The following AKAIN1 variants were observed in gnomAD, a reference collection of about 807,000 sequenced individuals.
The protein encoded by AKAIN1 is A-kinase anchor inhibitor 1.
Under a neutral mutation model 3.7 loss-of-function variants are expected in AKAIN1, and 3 were observed. That is an observed-to-expected ratio of 0.82 (90% CI 0.37 to 2.12). The LOEUF (loss-of-function observed/expected upper bound fraction) is 2.12. AKAIN1 is among the 30% of genes most tolerant of loss of function. AKAIN1 has a pLI of 0.06. For synonymous variants in AKAIN1, 31 were observed against 30.8 expected (o/e 1.01, Z -0.02); for missense variants, 82 against 82.7 (o/e 0.99, Z 0.03).
In AKAIN1 at chr18:5,144,494, G is replaced by A. The variant is rs929849514; in HGVS notation, c.*1068C>T. On this transcript the variant is annotated 3_prime_UTR_variant, in exon 2 of 2. Coordinates refer to ENST00000434239, the MANE Select transcript of AKAIN1 (RefSeq NM_001145194.2). ...TGCTGCACAGATAACTTTATTACAC[G>A]TGTACACACACATATCTCTGTCACT... 1.4e-4 allele frequency among the ~76,000 whole-genome samples: 21 copies of A among 152,100 alleles called. No individual in the cohort carries two copies. Among genetic ancestry groups the A allele is most frequent in the African/African-American group, 4.3e-4 (18 of 41,432 alleles).
chr18:5,181,027 C>G (rs1309237135), intron 1 of AKAIN1, among the ~76,000 whole-genome samples: 1 of 151,784 alleles, frequency 6.6e-6, no homozygotes, highest in Non-Finnish European at 1.5e-5. Flanking sequence ...GTGGCTCATG[C>G]CTATAATAGC....
At chr18:5,176,974 C>A (rs1487502546) in intron 1 of AKAIN1, among the ~76,000 whole-genome samples, 1 of 152,042 alleles carries the variant, frequency 6.6e-6, no homozygotes, top group African/African-American at 2.4e-5. Context: ...CCCACTGTGG[C>A]TTCAGGATAT....
chr18:5,144,437 C>T lies in AKAIN1; in HGVS notation c.*1125G>A, dbSNP rs1036432091. Among the ~76,000 whole-genome samples the T allele has an allele frequency of 6.6e-6, 1 of 152,186 alleles. No individual in the cohort carries two copies. Among genetic ancestry groups the T allele is most frequent in the Non-Finnish European group, 1.5e-5 (1 of 68,038 alleles). ...GATACTCCAGAAATATGTGCATTAT[C>T]CTCACAGAAGTGGAGCAGGGATTGA... is the stretch of plus-strand genomic sequence containing the variant. On this transcript the variant is annotated 3_prime_UTR_variant, in exon 2 of 2. Coordinates refer to ENST00000434239, the MANE Select transcript of AKAIN1 (RefSeq NM_001145194.2).
intron 1 of AKAIN1, among the ~76,000 whole-genome samples, chr18:5,156,734 G>A (rs1314926453): frequency 6.6e-6 from 1 of 152,138 alleles, no homozygotes; most frequent in African/African-American, 2.4e-5. Context: ...AACTTTGAGG[G>A]GCAAATAAGG....
At chr18:5,154,033 A>C (rs951656693) in intron 1 of AKAIN1, among the ~76,000 whole-genome samples, 22 of 152,206 alleles carry the variant, frequency 1.4e-4, no homozygotes, top group Admixed American at 1.4e-3. Flanking sequence ...GGAGATCGAG[A>C]CCAGCCTAAG....
chr18:5,162,514 T>G (rs2071145123), intron 1 of AKAIN1, among the ~76,000 whole-genome samples: 1 of 151,998 alleles, frequency 6.6e-6, no homozygotes, highest in Admixed American at 6.6e-5. Flanking sequence ...AGGTCTTAAC[T>G]CCCTAGCCTA....
At chr18:5,167,178 A>T (rs768334298) in intron 1 of AKAIN1, among the ~76,000 whole-genome samples, 3 of 152,132 alleles carry the variant, frequency 2.0e-5, no homozygotes, top group Non-Finnish European at 4.4e-5. Flanking sequence ...TAAATATGGC[A>T]GTTCAAGTGA....
At chr18:5,193,584 C>T (rs926088337) in intron 1 of AKAIN1, among the ~76,000 whole-genome samples, 1 of 152,142 alleles carries the variant, frequency 6.6e-6, no homozygotes, top group African/African-American at 2.4e-5. Context: ...ACTGAAAAGG[C>T]ATTTGAATTT....
chr18:5,152,819 A>G (rs2071086909), intron 1 of AKAIN1, among the ~76,000 whole-genome samples: 2 of 152,276 alleles, frequency 1.3e-5, no homozygotes, highest in South Asian at 4.1e-4. Context: ...AGGCAGCCTG[A>G]GTGGCTAGTG....
At chr18:5,163,768 A>G (rs963332497) in intron 1 of AKAIN1, 2 of 152,062 alleles carry the variant, frequency 1.3e-5, no homozygotes, top group African/African-American at 4.8e-5. Flanking sequence ...ATCAGAAGAT[A>G]CACTTCCAAG....
intron 1 of AKAIN1, among the ~76,000 whole-genome samples, chr18:5,193,887 T>A (rs899709128): frequency 2.6e-5 from 4 of 152,202 alleles, no homozygotes; most frequent in African/African-American, 9.6e-5. Context: ...AATATATTTC[T>A]CCATATTGGT....
At chr18:5,175,443 T>C (rs1440052651) in intron 1 of AKAIN1, among the ~76,000 whole-genome samples, 2 of 152,170 alleles carry the variant, frequency 1.3e-5, no homozygotes, top group Non-Finnish European at 2.9e-5. Context: ...CCCTATCATG[T>C]TCTTTCTTGC....
chr18:5,150,335 T>G (rs1334196870), intron 1 of AKAIN1, among the ~76,000 whole-genome samples: 1 of 152,254 alleles, frequency 6.6e-6, no homozygotes, highest in Non-Finnish European at 1.5e-5. Context: ...TCACCATTGA[T>G]TTCTATGCAC....
At chr18:5,196,376 A>T (rs2071347819) in intron 1 of AKAIN1, among the ~76,000 whole-genome samples, 1 of 152,092 alleles carries the variant, frequency 6.6e-6, no homozygotes, top group Non-Finnish European at 1.5e-5. Flanking sequence ...GACAAATCTG[A>T]CTCTTCGCCA....
chr18:5,151,308 G>T (rs381345), intron 1 of AKAIN1, among the ~76,000 whole-genome samples: 108,845 of 152,086 alleles, frequency 0.72, 40,421 homozygotes, highest in African/African-American at 0.91. Context: ...TGATAGTTTT[G>T]TTCTTTCAGC....
chr18:5,191,138 T>C (rs1049902002), intron 1 of AKAIN1, among the ~76,000 whole-genome samples: 7 of 152,162 alleles, frequency 4.6e-5, no homozygotes, highest in African/African-American at 9.7e-5. Flanking sequence ...AAGAATGTCT[T>C]CTTATTACTC....
At chr18:5,165,982 T>C (rs1481702632) in intron 1 of AKAIN1, among the ~76,000 whole-genome samples, 3 of 152,072 alleles carry the variant, frequency 2.0e-5, no homozygotes. Context: ...GGGTTCAAGC[T>C]TCCTTTTCTA....
At chr18:5,162,625 CGTGTGTGT>C (rs150673471) in intron 1 of AKAIN1, among the ~76,000 whole-genome samples, 4,374 of 145,466 alleles carry the variant, frequency 0.03, 72 homozygotes, top group African/African-American at 0.054. Context: ...CAATGTGATG[CGTGTGTGT>C]GTGTGTGTGT....
chr18:5,169,758 A>AT (rs1253118254), intron 1 of AKAIN1, among the ~76,000 whole-genome samples: 1 of 152,192 alleles, frequency 6.6e-6, no homozygotes, highest in African/African-American at 2.4e-5. Context: ...CAAGAAAAAC[A>AT]TTTTGTCCCA....
Sources: allele counts gnomAD v4.1 joint callset (sites outside exome capture counted in the v4.1 genomes callset), GRCh38; gene constraint gnomAD v4.1.1; transcripts MANE v1.5; gene names NCBI Gene and HGNC (gene_info 2026-07-23, HGNC 2026-07-21).